Variants in IFT27 observed in about 807,000 individuals in gnomAD.
IFT27 encodes intraflagellar transport protein 27 homolog.
Under a neutral mutation model 23.9 loss-of-function variants are expected in IFT27, and 19 were observed. The ratio of observed to expected loss-of-function variants is 0.79; its 90% CI spans 0.55 to 1.16. The LOEUF (loss-of-function observed/expected upper bound fraction) is 1.16, where lower values mean the gene tolerates loss of function less well. Ranked by LOEUF, IFT27 falls within the 50% of genes most tolerant of loss-of-function variation. The pLI is 0.00. For missense variants in IFT27, 206 were observed against 228.7 expected (o/e 0.90, Z 0.64); for synonymous variants, 91 against 89.1 (o/e 1.02, Z -0.12).
chr22:36,765,215 CCTT>C (rs1051648890), intron 4 of IFT27, among the ~76,000 whole-genome samples: 12 of 152,214 alleles, frequency 7.9e-5, no homozygotes, highest in African/African-American at 2.9e-4. Flanking sequence ...AAGAAATCCT[CCTT>C]CTTCCAGGCT....
At chr22:36,769,534 T>C (rs1023720803) in intron 1 of IFT27, among the ~76,000 whole-genome samples, 25 of 152,194 alleles carry the variant, frequency 1.6e-4, no homozygotes, top group Non-Finnish European at 3.4e-4. Context: ...TTTGTATTTT[T>C]AGTAGAGACG....
In IFT27 at chr22:36,764,682, C is replaced by T. The variant is rs577815680; in HGVS notation, c.235-646G>A. On this transcript the variant is annotated intron_variant, in intron 4 of 6. Coordinates refer to ENST00000433985, the MANE Select transcript of IFT27 (RefSeq NM_001177701.3). ...CTTTCTGCTTCTCTTGCCATCTCTG[C>T]ATCAGCCTAATCCAAACCACACTGA... Among the ~76,000 whole-genome samples, 57 of 152,360 alleles carry T rather than the reference C, an allele frequency of 3.7e-4. No homozygotes were observed. In the South Asian group the frequency reaches 6.2e-3, roughly 17 times the overall value.
Position 36,770,947 on chromosome 22 carries a change from G to A in IFT27, c.35-3085C>T, listed in dbSNP as rs1322857426. 2.0e-5 allele frequency among the ~76,000 whole-genome samples: 3 copies of A among 152,276 alleles called. No individual in the cohort carries two copies. The East Asian group carries it at 5.8e-4, about 29-fold the overall frequency. Reference sequence around the variant, plus strand: ...GGAAGAAGAAGGGAAGGCTGGAGTCGGGGGAGAGGACACTGCTCTTCCCGC... The same window carrying A: ...GGAAGAAGAAGGGAAGGCTGGAGTCAGGGGAGAGGACACTGCTCTTCCCGC... On this transcript the variant is annotated intron_variant, in intron 1 of 6. Coordinates refer to ENST00000433985, the MANE Select transcript of IFT27 (RefSeq NM_001177701.3).
intron 4 of IFT27, 147 bp from the exon 5 acceptor site, chr22:36,764,183 A>AT (rs34992444): frequency 3.0e-6 from 2 of 671,700 alleles, no homozygotes; most frequent in Non-Finnish European, 5.3e-6. Flanking sequence ...ATGTCCAACA[A>AT]TTTCCCCAAA....
At chr22:36,760,765 G>A (rs1268549779) in intron 6 of IFT27, 1 of 164,876 alleles carries the variant, frequency 6.1e-6, no homozygotes, top group Non-Finnish European at 1.5e-5. Flanking sequence ...CTGTTATGAA[G>A]CCTAAACAAA....
At chr22:36,770,846 T>G (rs1250747336) in intron 1 of IFT27, among the ~76,000 whole-genome samples, 1 of 152,182 alleles carries the variant, frequency 6.6e-6, no homozygotes, top group Non-Finnish European at 1.5e-5. Flanking sequence ...TTCCACAGTG[T>G]GCAGGGGAGG....
At chr22:36,773,112 C>T (rs1465091583) in intron 1 of IFT27, among the ~76,000 whole-genome samples, 1 of 152,232 alleles carries the variant, frequency 6.6e-6, no homozygotes, top group African/African-American at 2.4e-5. Context: ...GTAATCCCAG[C>T]ACTTTGGGAG....
chr22:36,767,387 G>T (rs775037988), intron 2 of IFT27, 22 bp from the exon 3 acceptor site: 2 of 1,606,564 alleles, frequency 1.2e-6, no homozygotes, highest in Admixed American at 3.4e-5. Flanking sequence ...CACCAAGAAT[G>T]TTAGCACTGA....
intron 6 of IFT27, chr22:36,760,685 C>T: frequency 6.5e-6 from 1 of 153,440 alleles, no homozygotes. Context: ...TTTAACTATG[C>T]AACCAGGGCA....
At chr22:36,766,508 T>G (rs1265872775) in intron 3 of IFT27, 1 of 403,332 alleles carries the variant, frequency 2.5e-6, no homozygotes, top group Non-Finnish European at 4.6e-6. Context: ...CAGAACAGAA[T>G]GCTAAACAGG....
At chr22:36,773,654 C>CAA (rs35651506) in intron 1 of IFT27, among the ~76,000 whole-genome samples, 67,298 of 110,180 alleles carry the variant, frequency 0.61, 20,537 homozygotes, top group East Asian at 0.77. Context: ...AACTCCGTCT[C>CAA]AAAAAAAAAA....
rs751795100 is a variant in IFT27, at chr22:36,758,305, A to AG, written c.*5dup. 20 of 1,610,728 alleles carry AG rather than the reference A, an allele frequency of 1.2e-5. No individual in the cohort carries two copies. The East Asian group carries it at 3.8e-4, about 31-fold the overall frequency. On this transcript the variant is annotated 3_prime_UTR_variant, in exon 7 of 7. Transcript: ENST00000433985. ...CCGGTTGTGCAGCACGATCTGCTCC[A>AG]GCTCGTCATGCCAGGGCCCGGAAAA...
intron 4 of IFT27, among the ~76,000 whole-genome samples, chr22:36,765,744 C>T: frequency 6.6e-6 from 1 of 152,196 alleles, no homozygotes; most frequent in Non-Finnish European, 1.5e-5. Flanking sequence ...AGAAAGTGAG[C>T]CTCGTTATAG....
intron 3 of IFT27, among the ~76,000 whole-genome samples, chr22:36,766,794 C>G (rs935005637): frequency 1.4e-4 from 22 of 152,292 alleles, no homozygotes; most frequent in African/African-American, 4.8e-4. Flanking sequence ...CCCCCACAAG[C>G]TCCCTCCTGG....
At chr22:36,771,163 G>A (rs1024777095) in intron 1 of IFT27, among the ~76,000 whole-genome samples, 1 of 152,124 alleles carries the variant, frequency 6.6e-6, no homozygotes, top group African/African-American at 2.4e-5. Context: ...GGCTCCCAGG[G>A]CCCCTCCTCC....
At chr22:36,769,630 C>A (rs1938347594) in intron 1 of IFT27, among the ~76,000 whole-genome samples, 1 of 152,176 alleles carries the variant, frequency 6.6e-6, no homozygotes, top group Non-Finnish European at 1.5e-5. Context: ...GCTGGGATTA[C>A]AGAAGTGAGT....
intron 3 of IFT27, 46 bp from the exon 4 acceptor site, chr22:36,766,243 A>G: frequency 6.5e-7 from 1 of 1,527,106 alleles, no homozygotes; most frequent in South Asian, 1.1e-5. Context: ...AAAAACCACA[A>G]GCTACGAGTC....
rs1318086805 is a variant in IFT27, at chr22:36,767,355, A to G, written c.125T>C (p.Met42Thr). The G allele has an allele frequency of 6.2e-7, 1 of 1,613,190 alleles. No homozygotes were observed. Among genetic ancestry groups the G allele is most frequent in the Non-Finnish European group, 8.5e-7 (1 of 1,179,506 alleles). ...TGGCACTGTCTTCACCACCAAATCC[A>G]TTCCTGTTGTCTGCCGAGGAACACC... is the stretch of plus-strand genomic sequence containing the variant. ...FQKSYTLTTG[M>T]DLVVKTVPVP... The change falls in exon 3 of 7, where the codon ATG becomes ACG. Residue 42 changes from methionine to threonine, a missense_variant. Met to Thr is a moderately conservative substitution (Grantham distance 81, BLOSUM62 -1). Coordinates refer to ENST00000433985, the MANE Select transcript of IFT27 (RefSeq NM_001177701.3).
chr22:36,773,185 C>A (rs1938425850), intron 1 of IFT27, among the ~76,000 whole-genome samples: 1 of 151,510 alleles, frequency 6.6e-6, no homozygotes, highest in South Asian at 2.1e-4. Flanking sequence ...CTGGTGAAAC[C>A]CCATCTCTAC....
Sources: gnomAD v4.1 joint callset for allele counts (sites outside exome capture counted in the v4.1 genomes callset) on GRCh38, gnomAD v4.1.1 for gene constraint, MANE v1.5 for transcripts, NCBI Gene and HGNC (gene_info 2026-07-23, HGNC 2026-07-21) for gene names.